KIF13A: variants seen among roughly 807,000 people sequenced by gnomAD.
KIF13A encodes kinesin-like protein KIF13A.
Under a neutral mutation model 212.2 loss-of-function variants are expected in KIF13A, and 79 were observed. That is an observed-to-expected ratio of 0.37 (90% CI 0.31 to 0.45). The LOEUF (loss-of-function observed/expected upper bound fraction) is 0.45. Ranked by LOEUF, KIF13A falls within the 20% of genes least tolerant of loss-of-function variation. KIF13A has a pLI of 1.00. For synonymous variants in KIF13A, 789 were observed against 808.6 expected (o/e 0.98, Z 0.41); for missense variants, 1,901 against 2,209.0 (o/e 0.86, Z 2.79).
chr6:17,800,144 G>A, intron 20 of KIF13A, 31 bp from the exon 21 acceptor site: 1 of 1,601,540 alleles, frequency 6.2e-7, no homozygotes, highest in Non-Finnish European at 8.5e-7. Flanking sequence ...ACCTTAGAGT[G>A]AACAGACATC....
chr6:17,910,469 T>A (rs1773940397), intron 2 of KIF13A, among the ~76,000 whole-genome samples: 1 of 152,216 alleles, frequency 6.6e-6, no homozygotes. Flanking sequence ...AAGTAGGATA[T>A]TATTACCAAT....
intron 13 of KIF13A, 48 bp downstream of exon 13, chr6:17,831,053 T>C (rs1242990980): frequency 6.5e-7 from 1 of 1,540,660 alleles, no homozygotes; most frequent in South Asian, 1.2e-5. Context: ...AACTACGAAC[T>C]GTATAGGAAT....
chr6:17,849,592 C>T lies in KIF13A; in HGVS notation c.718-103G>A. 2 of 687,360 alleles carry T rather than the reference C, an allele frequency of 2.9e-6. No homozygotes were observed. The highest frequency in any genetic ancestry group is 4.8e-6 in the Non-Finnish European group (2 of 420,642). The allele number at this position is 687,360 out of a possible 1,614,324, so 42.6% of individuals were successfully genotyped here. ...ATAATTGAGCAATCCATCCCACTCT[C>T]ATATGGCAAATTTCTTAAGTTTTTA... is the stretch of plus-strand genomic sequence containing the variant. On this transcript the variant is annotated intron_variant, in intron 8 of 38. Coordinates refer to ENST00000259711, the MANE Select transcript of KIF13A (RefSeq NM_022113.6). This position sits in a 1 kb window ranked among gnomAD's most constrained non-coding sequence, Gnocchi z 5.7.
At chr6:17,831,549 C>A (rs1765454620) in intron 12 of KIF13A, among the ~76,000 whole-genome samples, 2 of 151,338 alleles carry the variant, frequency 1.3e-5, no homozygotes, top group Admixed American at 1.3e-4. Flanking sequence ...ATGCCAGGGG[C>A]TTCCCAGGAG....
At chr6:17,831,318 G>C in intron 12 of KIF13A, 83 bp from the exon 13 acceptor site, 1 of 1,462,158 alleles carries the variant, frequency 6.8e-7, no homozygotes, top group Non-Finnish European at 9.3e-7. Context: ...GTAAGTCACT[G>C]TTTCTGGGGA....
chr6:17,919,564 G>A lies in KIF13A; in HGVS notation c.147-21384C>T, dbSNP rs1431612268. 6.6e-6 allele frequency among the ~76,000 whole-genome samples: 1 copy of A among 152,148 alleles called. No individual in the cohort carries two copies. The highest frequency in any genetic ancestry group is 2.4e-5 in the African/African-American group (1 of 41,410). ...AAAGCTGTGAGTATCAAAAATAGAT[G>A]TTCTACAGCCCCAAGGGGTCAGCCA... is the stretch of plus-strand genomic sequence containing the variant. On this transcript the variant is annotated intron_variant, in intron 2 of 38. Transcript: ENST00000259711. The surrounding 1 kb of genome is among the most constrained non-coding windows in gnomAD (Gnocchi z 4.1).
intron 17 of KIF13A, among the ~76,000 whole-genome samples, chr6:17,813,863 T>C (rs539796366): frequency 2.6e-5 from 4 of 152,076 alleles, no homozygotes; most frequent in South Asian, 2.1e-4. Flanking sequence ...GTAAAGGCAG[T>C]AGCAGTTGTG....
Position 17,888,773 on chromosome 6 carries a change from C to T in KIF13A, c.159+9395G>A, listed in dbSNP as rs759521443. 7.3e-4 allele frequency among the ~76,000 whole-genome samples: 111 copies of T among 151,688 alleles called. 1 individual carries two copies. The highest frequency in any genetic ancestry group is 1.3e-3 in the Non-Finnish European group (88 of 67,976). ...CTAGGAGGTGGAGGTTGCAGTGAGC[C>T]GAGACTGTGCCACTGCACTCCAGCC... is the stretch of plus-strand genomic sequence containing the variant. On this transcript the variant is annotated intron_variant, in intron 3 of 38. Transcript: ENST00000259711. This position sits in a 1 kb window ranked among gnomAD's most constrained non-coding sequence, Gnocchi z 4.8.
rs1371002359 is a variant in KIF13A, at chr6:17,916,656, T to C, written c.147-18476A>G. 2.0e-5 allele frequency among the ~76,000 whole-genome samples: 3 copies of C among 152,218 alleles called. No homozygotes were observed. The East Asian group carries it at 5.8e-4, about 29-fold the overall frequency. The stretch of plus-strand genomic sequence containing the variant: ...GAACACCATTATGATGATGGAATTC[T>C]TCAGAATAACACAGTCTCCTCAAAT... On this transcript the variant is annotated intron_variant, in intron 2 of 38. Coordinates refer to ENST00000259711, the MANE Select transcript of KIF13A (RefSeq NM_022113.6).
intron 38 of KIF13A, among the ~76,000 whole-genome samples, chr6:17,767,255 A>ATTT (rs66600730): frequency 5.5e-5 from 8 of 145,022 alleles, no homozygotes; most frequent in Non-Finnish European, 7.6e-5. Context: ...CTCAAAATTA[A>ATTT]TTTTTTTTTT....
chr6:17,928,230 C>T (rs1238824156), intron 2 of KIF13A, among the ~76,000 whole-genome samples: 1 of 152,176 alleles, frequency 6.6e-6, no homozygotes, highest in East Asian at 1.9e-4. Context: ...GACTACCCCT[C>T]ATGTGCATGC....
chr6:17,786,617 A>C lies in KIF13A; in HGVS notation c.3362-976T>G, dbSNP rs1761079379. ...TCCATCTCAAAAATAAAAATAAAAAAATAAAAAACCCACCATATATCTTAC... is the reference window on the plus strand; with the variant it reads ...TCCATCTCAAAAATAAAAATAAAAACATAAAAAACCCACCATATATCTTAC... On this transcript the variant is annotated intron_variant, in intron 27 of 38. Coordinates refer to ENST00000259711, the MANE Select transcript of KIF13A (RefSeq NM_022113.6). This position sits in a 1 kb window ranked among gnomAD's most constrained non-coding sequence, Gnocchi z 5.4. Among the ~76,000 whole-genome samples, 1 of 152,108 alleles carries C rather than the reference A, an allele frequency of 6.6e-6. No homozygotes were observed. The highest frequency in any genetic ancestry group is 1.5e-5 in the Non-Finnish European group (1 of 68,014).
At chr6:17,931,516 C>T (rs1249780476) in intron 2 of KIF13A, among the ~76,000 whole-genome samples, 1 of 152,138 alleles carries the variant, frequency 6.6e-6, no homozygotes, top group East Asian at 1.9e-4. Context: ...ACCAGGGACA[C>T]AAAATATTGC....
At chr6:17,848,154 G>C (rs1767259680) in intron 9 of KIF13A, among the ~76,000 whole-genome samples, 1 of 151,938 alleles carries the variant, frequency 6.6e-6, no homozygotes, top group Non-Finnish European at 1.5e-5. Flanking sequence ...ATATTTATGG[G>C]GTAAAGTGTG....
At chr6:17,960,721 C>T (rs1381276109) in intron 2 of KIF13A, among the ~76,000 whole-genome samples, 1 of 152,092 alleles carries the variant, frequency 6.6e-6, no homozygotes, top group Non-Finnish European at 1.5e-5. Context: ...TTTTATATGT[C>T]ATTCCTCAGA....
At chr6:17,822,017 G>C in intron 16 of KIF13A, 1 of 1,148,858 alleles carries the variant, frequency 8.7e-7, no homozygotes, top group African/African-American at 1.6e-5. Context: ...ACTGGGTAAA[G>C]GATGGGGTAG....
chr6:17,944,043 T>C (rs1458395027), intron 2 of KIF13A, among the ~76,000 whole-genome samples: 3 of 152,218 alleles, frequency 2.0e-5, no homozygotes, highest in Admixed American at 2.0e-4. Flanking sequence ...CTGAAGATTT[T>C]TCTCTTTATG....
chr6:17,807,457 T>C (rs1460396492), intron 18 of KIF13A, among the ~76,000 whole-genome samples: 1 of 152,080 alleles, frequency 6.6e-6, no homozygotes, highest in East Asian at 1.9e-4. Flanking sequence ...TCAAGCTTAC[T>C]AGGGTGGGGA....
chr6:17,987,270 C>T lies in KIF13A; in HGVS notation c.56-126G>A. ...CCGAGCCTGGAGACGGCGCCCCGGG[C>T]ACCACGGCCAGCGCGGACGCCGCCT... On this transcript the variant is annotated intron_variant, in intron 1 of 38. Transcript: ENST00000259711. This position sits in a 1 kb window ranked among gnomAD's most constrained non-coding sequence, Gnocchi z 7.7. The T allele has an allele frequency of 1.2e-6, 1 of 850,148 alleles. No homozygotes were observed. The highest frequency in any genetic ancestry group is 1.5e-6 in the Non-Finnish European group (1 of 648,140). The allele number at this position is 850,148 out of a possible 1,614,324, so 52.7% of individuals were successfully genotyped here.
Sources: gnomAD v4.1 joint callset for allele counts (sites outside exome capture counted in the v4.1 genomes callset) on GRCh38, gnomAD v4.1.1 for gene constraint, Gnocchi (gnomAD v3.1) non-coding constraint, MANE v1.5 for transcripts, NCBI Gene and HGNC (gene_info 2026-07-23, HGNC 2026-07-21) for gene names.